The following PTPRG variants were observed in gnomAD, a reference collection of about 807,000 sequenced individuals.
The protein encoded by PTPRG is protein tyrosine phosphatase receptor type G.
In PTPRG, 102 loss-of-function variants were observed where a neutral mutation model predicts 165.3. The ratio of observed to expected loss-of-function variants is 0.62; its 90% CI spans 0.53 to 0.73. The LOEUF (loss-of-function observed/expected upper bound fraction) is 0.73. PTPRG is among the 30% of genes least tolerant of loss of function. The pLI, the probability that PTPRG is intolerant of heterozygous loss-of-function variation, is 0.00. For missense variants in PTPRG, 1,866 were observed against 1,861.4 expected (o/e 1.00, Z -0.05); for synonymous variants, 675 against 669.5 (o/e 1.01, Z -0.13).
chr3:62,032,967 C>A (rs1699817793), intron 4 of PTPRG, among the ~76,000 whole-genome samples: 1 of 152,168 alleles, frequency 6.6e-6, no homozygotes, highest in African/African-American at 2.4e-5. Flanking sequence ...GGTTGAATGA[C>A]CGACCTAGTT....
intron 5 of PTPRG, among the ~76,000 whole-genome samples, chr3:62,130,393 C>A (rs1206176426): frequency 6.6e-6 from 1 of 152,066 alleles, no homozygotes; most frequent in Admixed American, 6.6e-5. Context: ...ATGGACAAGC[C>A]CAATTTCAAA....
chr3:61,851,379 G>A (rs680969), intron 2 of PTPRG, among the ~76,000 whole-genome samples: 205 of 152,264 alleles, frequency 1.3e-3, no homozygotes, highest in African/African-American at 4.5e-3. Context: ...CTCAAGAGAG[G>A]ATCTAGTTGG....
chr3:61,944,586 C>T (rs915707409), intron 2 of PTPRG, among the ~76,000 whole-genome samples: 11 of 152,052 alleles, frequency 7.2e-5, no homozygotes, highest in East Asian at 3.9e-4. Flanking sequence ...CAGACAGCCT[C>T]GCGCTACATG....
chr3:62,162,185 G>A (rs772274638), intron 7 of PTPRG, among the ~76,000 whole-genome samples: 8 of 150,732 alleles, frequency 5.3e-5, no homozygotes, highest in South Asian at 2.1e-4. Flanking sequence ...GATTCGAACC[G>A]ACAGATTAAA....
At position 61,813,532 on chromosome 3, in the gene PTPRG, AAAAAG is replaced by A. The variant is rs1286021399; in HGVS notation, c.190+64555_190+64559del. Among the ~76,000 whole-genome samples, 3 of 138,056 alleles carry A rather than the reference AAAAAG, an allele frequency of 2.2e-5. No individual in the cohort carries two copies. In the East Asian group the frequency reaches 6.6e-4, roughly 30 times the overall value. The allele number at this position is 138,056 out of a possible 152,430, so 90.6% of individuals were successfully genotyped here. A position where few individuals can be genotyped will look rare whatever the true frequency, so the allele number is the denominator to read the frequency against. ...CTCCGTCTCAAAAAAAAAAAAAAGA[AAAAAG>A]AAAATCTGTGTGTGTGTGTGTGTGT... On this transcript the variant is annotated intron_variant, in intron 2 of 29. Transcript: ENST00000474889.
chr3:61,732,676 T>A (rs1456658348), intron 1 of PTPRG, among the ~76,000 whole-genome samples: 1 of 151,614 alleles, frequency 6.6e-6, no homozygotes, highest in African/African-American at 2.4e-5. Flanking sequence ...TCCACTGCAC[T>A]CCAGCGTGGG....
At chr3:62,191,108 G>GC (rs1699801052) in intron 8 of PTPRG, among the ~76,000 whole-genome samples, 1 of 151,804 alleles carries the variant, frequency 6.6e-6, no homozygotes, top group Non-Finnish European at 1.5e-5. Context: ...GTGCATCTGT[G>GC]CCCCATGCAC....
Position 62,277,652 on chromosome 3 carries a change from TGTC to T in PTPRG, c.3739_3741del (p.Val1247del), listed in dbSNP as rs1702274558. ...TTTGGGATCATAACGCACAGATCAT[TGTC>T]ATGCTGCCAGACAACCAGAGCTTGG... On this transcript the variant is annotated inframe_deletion, in exon 26 of 30. Coordinates refer to ENST00000474889, the MANE Select transcript of PTPRG (RefSeq NM_002841.4). 6.2e-7 allele frequency: 1 copy of T among 1,612,764 alleles called. No homozygotes were observed. The highest frequency in any genetic ancestry group is 8.5e-7 in the Non-Finnish European group (1 of 1,179,290).
At chr3:61,562,815 G>T (rs1350549175) in intron 1 of PTPRG, among the ~76,000 whole-genome samples, 1 of 152,168 alleles carries the variant, frequency 6.6e-6, no homozygotes, top group Non-Finnish European at 1.5e-5. Flanking sequence ...AAGGAACTCA[G>T]AAGGTGGGGG....
chr3:61,564,090 C>T (rs896098365), intron 1 of PTPRG, among the ~76,000 whole-genome samples: 5 of 152,208 alleles, frequency 3.3e-5, no homozygotes, highest in African/African-American at 9.7e-5. Context: ...GCCTCTACGG[C>T]CTCTACGGTA....
rs905554263 is a variant in PTPRG at position 62,039,347 on chromosome 3, T to G, written c.519+35850T>G. Among the ~76,000 whole-genome samples, 20 of 152,216 alleles carry G rather than the reference T, an allele frequency of 1.3e-4. No homozygotes were observed. In the East Asian group the frequency reaches 3.7e-3, roughly 28 times the overall value. On this transcript the variant is annotated intron_variant, in intron 4 of 29. Coordinates refer to ENST00000474889, the MANE Select transcript of PTPRG (RefSeq NM_002841.4). ...CAACTTAAGTTAAAAAAAATTTTTTTAAGCTAGTAAGAAATTTCTGGGAAG... is the reference window on the plus strand; with the variant it reads ...CAACTTAAGTTAAAAAAAATTTTTTGAAGCTAGTAAGAAATTTCTGGGAAG...
At chr3:61,800,660 GTT>G (rs113285798) in intron 2 of PTPRG, among the ~76,000 whole-genome samples, 1 of 138,816 alleles carries the variant, frequency 7.2e-6, no homozygotes, top group African/African-American at 2.6e-5. Context: ...ACGGTACTCT[GTT>G]TTTTTTTTTT....
At chr3:61,672,800 G>C (rs551024789) in intron 1 of PTPRG, among the ~76,000 whole-genome samples, 2 of 140,124 alleles carry the variant, frequency 1.4e-5, no homozygotes, top group African/African-American at 6.1e-5. Flanking sequence ...AGGGAGAGAG[G>C]GGGAGAGAGA....
chr3:61,857,213 C>T (rs963846537), intron 2 of PTPRG, among the ~76,000 whole-genome samples: 4 of 152,024 alleles, frequency 2.6e-5, no homozygotes, highest in Admixed American at 2.0e-4. Context: ...ATTAAAAAAT[C>T]CTTATACAAC....
chr3:62,041,367 T>C (rs946757238), intron 4 of PTPRG, among the ~76,000 whole-genome samples: 2 of 152,160 alleles, frequency 1.3e-5, no homozygotes, highest in Admixed American at 1.3e-4. Flanking sequence ...GGCATCTTTT[T>C]TCATGGGTGA....
intron 26 of PTPRG, among the ~76,000 whole-genome samples, chr3:62,280,140 C>A (rs1237353051): frequency 1.3e-5 from 2 of 152,030 alleles, no homozygotes; most frequent in Non-Finnish European, 2.9e-5. Context: ...ATGTTATCCC[C>A]TCTTGAAATA....
intron 4 of PTPRG, among the ~76,000 whole-genome samples, chr3:62,035,215 G>T (rs1221406546): frequency 6.6e-6 from 1 of 152,218 alleles, no homozygotes; most frequent in Non-Finnish European, 1.5e-5. Context: ...GTAAAAGCCA[G>T]AGCTAGAAGA....
At chr3:62,164,771 C>T (rs1238457017) in intron 7 of PTPRG, among the ~76,000 whole-genome samples, 2 of 152,184 alleles carry the variant, frequency 1.3e-5, no homozygotes, top group Non-Finnish European at 2.9e-5. Context: ...GTGACTTGTT[C>T]TTTCCTGAGG....
At chr3:61,922,240 C>T (rs111860733) in intron 2 of PTPRG, among the ~76,000 whole-genome samples, 1 of 152,196 alleles carries the variant, frequency 6.6e-6, no homozygotes. Context: ...ACAAGTAATT[C>T]TGGAAAGCAT....
Sources: allele counts gnomAD v4.1 joint callset (sites outside exome capture counted in the v4.1 genomes callset), GRCh38; gene constraint gnomAD v4.1.1; transcripts MANE v1.5; gene names NCBI Gene and HGNC (gene_info 2026-07-23, HGNC 2026-07-21).